PTPRK: variants seen among roughly 807,000 people sequenced by gnomAD.
PTPRK encodes the protein receptor-type tyrosine-protein phosphatase kappa.
PTPRK carries 75 observed loss-of-function variants against 178.0 expected under a neutral mutation model. That is an observed-to-expected ratio of 0.42 (90% CI 0.35 to 0.51). The LOEUF is 0.51. PTPRK is among the 20% of genes least tolerant of loss of function. The pLI is 0.02. For synonymous variants in PTPRK, 637 were observed against 620.6 expected (o/e 1.03, Z -0.39); for missense variants, 1,441 against 1,797.8 (o/e 0.80, Z 3.59).
intron 2 of PTPRK, among the ~76,000 whole-genome samples, chr6:128,336,187 G>A (rs1469475546): frequency 5.8e-5 from 3 of 52,158 alleles, no homozygotes; most frequent in Admixed American, 3.0e-4. Context: ...CATTCCAACA[G>A]TGTGTTTTTT....
Position 128,519,944 on chromosome 6 carries a change from T to C in PTPRK, c.100+315A>G, listed in dbSNP as rs1858765866. On this transcript the variant is annotated intron_variant, in intron 1 of 29. Coordinates refer to ENST00000368226, the MANE Select transcript of PTPRK (RefSeq NM_002844.4). This position sits in a 1 kb window ranked among gnomAD's most constrained non-coding sequence, Gnocchi z 4.3. The stretch of plus-strand genomic sequence containing the variant: ...CAACAGAGTGCCGTCACGGGAGTCG[T>C]AACTACTTTTTCTTTCTCTCTTCCC... Among the ~76,000 whole-genome samples the C allele has an allele frequency of 6.6e-6, 1 of 152,110 alleles. No homozygotes were observed. The highest frequency in any genetic ancestry group is 2.4e-5 in the African/African-American group (1 of 41,422).
intron 7 of PTPRK, among the ~76,000 whole-genome samples, chr6:128,103,891 G>C (rs1386698714): frequency 1.3e-5 from 2 of 152,120 alleles, no homozygotes; most frequent in Non-Finnish European, 1.5e-5. Flanking sequence ...AATCACAGTA[G>C]GAGTGGAAGG....
intron 3 of PTPRK, among the ~76,000 whole-genome samples, chr6:128,296,099 A>G (rs1008230023): frequency 3.9e-5 from 6 of 151,902 alleles, no homozygotes; most frequent in Admixed American, 1.3e-4. Flanking sequence ...AAGTGACCTG[A>G]CTCAATTCCC....
intron 6 of PTPRK, among the ~76,000 whole-genome samples, chr6:128,209,083 C>G (rs1028309841): frequency 6.6e-6 from 1 of 151,902 alleles, no homozygotes; most frequent in Non-Finnish European, 1.5e-5. Flanking sequence ...CATAACCACC[C>G]CCCCCAGGAA....
In PTPRK at chr6:128,330,868, AAAAACAAAAACAAAAAC is replaced by A. The variant is rs755288303; in HGVS notation, c.224-8575_224-8559del. 4.0e-3 allele frequency among the ~76,000 whole-genome samples: 587 copies of A among 147,312 alleles called. 3 individuals carry two copies. Among genetic ancestry groups the A allele is most frequent in the African/African-American group, 0.014 (542 of 38,602 alleles). On this transcript the variant is annotated intron_variant, in intron 2 of 29. Transcript: ENST00000368226. The stretch of plus-strand genomic sequence containing the variant: ...TTTTCTGAAAAACAAAAACAAAAAC[AAAAACAAAAACAAAAAC>A]AAAACAAAACAAAACAAAAAAACAC...
intron 5 of PTPRK, among the ~76,000 whole-genome samples, chr6:128,236,901 A>T (rs1177026223): frequency 6.6e-6 from 1 of 152,122 alleles, no homozygotes; most frequent in Non-Finnish European, 1.5e-5. Flanking sequence ...CTACCATGAT[A>T]TGCATTATGA....
intron 7 of PTPRK, among the ~76,000 whole-genome samples, chr6:128,122,264 G>A (rs1024387515): frequency 2.6e-5 from 4 of 152,146 alleles, no homozygotes; most frequent in African/African-American, 9.6e-5. Context: ...TAGGGGTGGG[G>A]AGGAGTTTGG....
chr6:128,263,131 G>A (rs1428270914), intron 3 of PTPRK, among the ~76,000 whole-genome samples: 2 of 152,112 alleles, frequency 1.3e-5, no homozygotes, highest in Non-Finnish European at 2.9e-5. Context: ...GAAGACTGTA[G>A]AAGAATCAGT....
At chr6:128,016,771 A>C (rs1421338237) in intron 13 of PTPRK, among the ~76,000 whole-genome samples, 4 of 151,946 alleles carry the variant, frequency 2.6e-5, no homozygotes, top group Non-Finnish European at 5.9e-5. Flanking sequence ...CAAGATGTAT[A>C]GTAGAAAGTT....
chr6:128,344,449 AATCAGG>A (rs1178499028), intron 2 of PTPRK, among the ~76,000 whole-genome samples: 3 of 152,144 alleles, frequency 2.0e-5, no homozygotes, highest in African/African-American at 7.2e-5. Flanking sequence ...TATAACGTAC[AATCAGG>A]CTGTATGCAG....
rs559703205 is a variant in PTPRK, at chr6:128,493,582, C to T, written c.100+26677G>A. On this transcript the variant is annotated intron_variant, in intron 1 of 29. Coordinates refer to ENST00000368226, the MANE Select transcript of PTPRK (RefSeq NM_002844.4). ...TCTCAAAAAAAAAAAAAAAGTACCT[C>T]CCGCCCCCTACACACACACACACAC... Among the ~76,000 whole-genome samples, 5 of 132,048 alleles carry T rather than the reference C, an allele frequency of 3.8e-5. No homozygotes were observed. In the South Asian group the frequency reaches 1.2e-3, roughly 31 times the overall value. The allele number at this position is 132,048 out of a possible 152,430, so 86.6% of individuals were successfully genotyped here.
intron 3 of PTPRK, among the ~76,000 whole-genome samples, chr6:128,260,180 T>C (rs571790316): frequency 2.4e-4 from 37 of 152,104 alleles, no homozygotes; most frequent in African/African-American, 8.2e-4. Context: ...TCCTAAAATA[T>C]ATTTTTTTTT....
chr6:128,229,161 C>T (rs1194984489), intron 5 of PTPRK, among the ~76,000 whole-genome samples: 1 of 151,966 alleles, frequency 6.6e-6, no homozygotes, highest in Non-Finnish European at 1.5e-5. Context: ...AGAAGTGAGA[C>T]TAAATAAGAG....
intron 13 of PTPRK, chr6:128,027,968 A>T (rs1167556316): frequency 6.6e-6 from 1 of 152,150 alleles, no homozygotes; most frequent in Non-Finnish European, 1.5e-5. Context: ...CCACTCCCTT[A>T]TTGAAGTTTC....
At chr6:128,418,797 G>A (rs1843120598) in intron 1 of PTPRK, among the ~76,000 whole-genome samples, 1 of 152,164 alleles carries the variant, frequency 6.6e-6, no homozygotes, top group African/African-American at 2.4e-5. Flanking sequence ...AATTTTAAGT[G>A]TTGCTTAGGG....
At chr6:128,017,794 A>C (rs1359490239) in intron 13 of PTPRK, among the ~76,000 whole-genome samples, 1 of 57,420 alleles carries the variant, frequency 1.7e-5, no homozygotes, top group Non-Finnish European at 3.3e-5. Context: ...ATAAATAAAT[A>C]TATATGTGTA....
chr6:128,510,194 G>A (rs984640945), intron 1 of PTPRK, among the ~76,000 whole-genome samples: 1 of 152,098 alleles, frequency 6.6e-6, no homozygotes, highest in African/African-American at 2.4e-5. Context: ...CAGCTGCCCT[G>A]GCCATTGAAG....
chr6:127,977,099 G>T, intron 25 of PTPRK, 45 bp from the exon 26 acceptor site: 1 of 1,584,784 alleles, frequency 6.3e-7, no homozygotes, highest in Non-Finnish European at 8.7e-7. Context: ...AACTTAAAAT[G>T]TATGATCGGT....
At chr6:128,499,563 G>C (rs2128436256) in intron 1 of PTPRK, among the ~76,000 whole-genome samples, 1 of 152,284 alleles carries the variant, frequency 6.6e-6, no homozygotes, top group East Asian at 1.9e-4. Context: ...ACTGTACCAG[G>C]AAGTGCCACG....
Sources: gnomAD v4.1 joint callset for allele counts (sites outside exome capture counted in the v4.1 genomes callset) on GRCh38, gnomAD v4.1.1 for gene constraint, Gnocchi (gnomAD v3.1) non-coding constraint, MANE v1.5 for transcripts, NCBI Gene and HGNC (gene_info 2026-07-23, HGNC 2026-07-21) for gene names.